TBC1D19: variants seen among roughly 807,000 people sequenced by gnomAD.
The protein encoded by TBC1D19 is TBC1 domain family, member 19.
A neutral mutation model predicts 89.0 loss-of-function variants in TBC1D19; 60 were observed. That is an observed-to-expected ratio of 0.67 (90% CI 0.55 to 0.84). The LOEUF (loss-of-function observed/expected upper bound fraction) is 0.84, where lower values mean the gene tolerates loss of function less well. Ranked by LOEUF, TBC1D19 falls within the 40% of genes least tolerant of loss-of-function variation. The pLI, the probability that TBC1D19 is intolerant of heterozygous loss-of-function variation, is 0.00. For synonymous variants in TBC1D19, 189 were observed against 199.7 expected (o/e 0.95, Z 0.45); for missense variants, 500 against 610.8 (o/e 0.82, Z 1.91).
intron 15 of TBC1D19, among the ~76,000 whole-genome samples, chr4:26,723,728 A>G (rs1717125206): frequency 6.6e-6 from 1 of 152,224 alleles, no homozygotes; most frequent in African/African-American, 2.4e-5. Flanking sequence ...TTCAACACAT[A>G]TAAATTGTCT....
chr4:26,657,916 A>C (rs538604811), intron 7 of TBC1D19, among the ~76,000 whole-genome samples: 2 of 152,080 alleles, frequency 1.3e-5, no homozygotes, highest in Admixed American at 6.5e-5. Flanking sequence ...TCCTTTGGCC[A>C]CTTTTTGATG....
At chr4:26,758,276 T>C (rs1390334086), downstream of TBC1D19, among the ~76,000 whole-genome samples, 1 of 152,214 alleles carries the variant, frequency 6.6e-6, no homozygotes, top group Non-Finnish European at 1.5e-5. Flanking sequence ...GTCCTAAATG[T>C]GGAAGATGCA....
intron 4 of TBC1D19, among the ~76,000 whole-genome samples, chr4:26,630,559 C>T (rs1742744259): frequency 6.6e-6 from 1 of 151,690 alleles, no homozygotes; most frequent in Non-Finnish European, 1.5e-5. Context: ...ATGAATAGGA[C>T]CTGAGAAAAA....
At chr4:26,714,418 T>C (rs1180006051) in intron 13 of TBC1D19, among the ~76,000 whole-genome samples, 1 of 152,094 alleles carries the variant, frequency 6.6e-6, no homozygotes, top group Non-Finnish European at 1.5e-5. Context: ...CTCGTCAAGG[T>C]CATCAAGAAC....
the TBC1D19 span, among the ~76,000 whole-genome samples, chr4:26,808,490 T>TG: frequency 0.85 from 129,748 of 152,072 alleles, 55,723 homozygotes; most frequent in African/African-American, 0.95. Context: ...CCCAGCACTT[T>TG]GGAGGCCAAG....
At chr4:26,743,049 G>A (rs1285110248) in intron 18 of TBC1D19, among the ~76,000 whole-genome samples, 1 of 151,996 alleles carries the variant, frequency 6.6e-6, no homozygotes, top group Admixed American at 6.5e-5. Context: ...CCTATCAATG[G>A]TTGTACACTG....
At chr4:26,617,856 A>T (rs1180806172) in intron 3 of TBC1D19, among the ~76,000 whole-genome samples, 4 of 152,254 alleles carry the variant, frequency 2.6e-5, no homozygotes, top group African/African-American at 9.6e-5. Context: ...AAAAACATAT[A>T]GCATAGTTTG....
At chr4:26,838,250 C>T in the TBC1D19 span, among the ~76,000 whole-genome samples, 25 of 152,214 alleles carry the variant, frequency 1.6e-4, no homozygotes, top group African/African-American at 5.5e-4. Context: ...CGTATGTATA[C>T]GAAGCTGGCT....
chr4:26,797,725 C>T, the TBC1D19 span, among the ~76,000 whole-genome samples: 1 of 152,248 alleles, frequency 6.6e-6, no homozygotes, highest in African/African-American at 2.4e-5. Flanking sequence ...GGACAGAGAA[C>T]CCAGAAATAA....
At chr4:26,669,046 A>G (rs1037805435) in intron 9 of TBC1D19, among the ~76,000 whole-genome samples, 1 of 151,222 alleles carries the variant, frequency 6.6e-6, no homozygotes, top group Non-Finnish European at 1.5e-5. Flanking sequence ...CATTTATAAG[A>G]CTGATGTTAA....
intron 11 of TBC1D19, among the ~76,000 whole-genome samples, chr4:26,680,467 A>C (rs761852538): frequency 6.6e-6 from 1 of 152,002 alleles, no homozygotes; most frequent in Non-Finnish European, 1.5e-5. Flanking sequence ...TAAATCTTAA[A>C]CCTCATGTCT....
At chr4:26,821,581 A>C in the TBC1D19 span, among the ~76,000 whole-genome samples, 1 of 152,236 alleles carries the variant, frequency 6.6e-6, no homozygotes, top group African/African-American at 2.4e-5. Flanking sequence ...CACAGGACCT[A>C]GATCTTGGAC....
the TBC1D19 span, among the ~76,000 whole-genome samples, chr4:26,830,610 A>T: frequency 1.2e-4 from 18 of 152,292 alleles, no homozygotes; most frequent in Non-Finnish European, 2.2e-4. Flanking sequence ...AGCTTCTACA[A>T]TTCAGAGGCT....
At chr4:26,687,611 ATAAT>A (rs1327530979) in intron 12 of TBC1D19, among the ~76,000 whole-genome samples, 8 of 152,100 alleles carry the variant, frequency 5.3e-5, no homozygotes, top group African/African-American at 1.7e-4. Flanking sequence ...ATTTCTATTA[ATAAT>A]TTTATCATAT....
chr4:26,656,071 A>G (rs191294702), intron 7 of TBC1D19, among the ~76,000 whole-genome samples: 30 of 152,282 alleles, frequency 2.0e-4, no homozygotes, highest in Admixed American at 4.6e-4. Flanking sequence ...TTACTTAAAA[A>G]TATTTTTAAA....
chr4:26,673,287 G>A (rs143938845), intron 10 of TBC1D19, among the ~76,000 whole-genome samples: 2 of 151,506 alleles, frequency 1.3e-5, no homozygotes, highest in East Asian at 1.9e-4. Context: ...CTTATATATT[G>A]TAATTCTTAG....
rs1164805502 is a variant in TBC1D19 at position 26,666,463 on chromosome 4, A to G, written c.664+58A>G. 2.1e-6 allele frequency: 3 copies of G among 1,407,688 alleles called. No individual in the cohort carries two copies. In the East Asian group the frequency reaches 7.0e-5, roughly 33 times the overall value. The allele number at this position is 1,407,688 out of a possible 1,614,324, so 87.2% of individuals were successfully genotyped here. A position where few individuals can be genotyped will look rare whatever the true frequency, so the allele number is the denominator to read the frequency against. On this transcript the variant is annotated intron_variant, in intron 9 of 20. Transcript: ENST00000264866. ...ATAAATGAGAGTGAGCCTAAGGTTTATATTGCTATTTCCAAGTTAATCTAG... is the reference window on the plus strand; with the variant it reads ...ATAAATGAGAGTGAGCCTAAGGTTTGTATTGCTATTTCCAAGTTAATCTAG...
chr4:26,678,316 TGACAA>T (rs1390508352), intron 11 of TBC1D19, among the ~76,000 whole-genome samples: 1 of 152,136 alleles, frequency 6.6e-6, no homozygotes, highest in African/African-American at 2.4e-5. Context: ...TCGAGAAAAA[TGACAA>T]GACAAGTCTC....
chr4:26,762,221 AGATT>A, the TBC1D19 span, among the ~76,000 whole-genome samples: 1 of 152,210 alleles, frequency 6.6e-6, no homozygotes, highest in African/African-American at 2.4e-5. Flanking sequence ...CAGAGAAGAT[AGATT>A]AAGTTTTATG....
Sources: allele counts gnomAD v4.1 joint callset (sites outside exome capture counted in the v4.1 genomes callset), GRCh38; gene constraint gnomAD v4.1.1; transcripts MANE v1.5; gene names NCBI Gene and HGNC (gene_info 2026-07-23, HGNC 2026-07-21).